The following KCNJ15 variants were observed in gnomAD, a reference collection of about 807,000 sequenced individuals.
KCNJ15 encodes potassium inwardly rectifying channel subfamily J member 15.
KCNJ15 carries 14 observed loss-of-function variants against 23.0 expected under a neutral mutation model. The observed-to-expected ratio is 0.61, with a 90% CI of 0.40 to 0.95. The LOEUF is 0.95. KCNJ15 is among the 40% of genes least tolerant of loss of function. The probability of loss-of-function intolerance (pLI) is 0.00; values close to 1 mark genes in which losing one functional copy is unlikely to be tolerated. For missense variants in KCNJ15, 388 were observed against 461.8 expected, an observed-to-expected ratio of 0.84 and a Z score of 1.46; for synonymous variants, 185 against 183.2, an observed-to-expected ratio of 1.01 and a Z score of -0.08.
rs1176862498 is a variant in KCNJ15 at position 38,305,093 on chromosome 21, A to AAG, written c.*4705_*4706insGA. The AAG allele has an allele frequency of 2.0e-4, 29 of 148,656 alleles. 1 individual carries two copies. In the Middle Eastern group the frequency reaches 0.014, roughly 70 times the overall value. 9.2% of individuals were successfully genotyped at this position (148,656 alleles called of 1,614,324 possible). A position where few individuals can be genotyped will look rare whatever the true frequency, so the allele number is the denominator to read the frequency against. On this transcript the variant is annotated 3_prime_UTR_variant, in exon 3 of 3. Coordinates refer to ENST00000398938, the MANE Select transcript of KCNJ15 (RefSeq NM_170736.3). ...AAAACTCCGTCTCAAAAAAAAAAAAAAAAAGAAAAAGAAAAAGAAAAGAAA... is the reference window on the plus strand; with the variant it reads ...AAAACTCCGTCTCAAAAAAAAAAAAAAGAAAAGAAAAAGAAAAAGAAAAGAAA...
At chr21:38,296,084 CAGAT>C (rs1156794031) in intron 1 of KCNJ15, among the ~76,000 whole-genome samples, 7 of 152,034 alleles carry the variant, frequency 4.6e-5, no homozygotes, top group Middle Eastern at 3.4e-3. Context: ...TGGATGTAGA[CAGAT>C]GGATGATTGA....
rs143644768 is a variant in KCNJ15, at chr21:38,289,174, C to T, written c.-116-7752C>T. On this transcript the variant is annotated intron_variant, in intron 1 of 2. Coordinates refer to ENST00000398938, the MANE Select transcript of KCNJ15 (RefSeq NM_170736.3). ...ATCGCACCATTGCACTCTCCAGCCT[C>T]GGCAACAGAGCAAGACTGTCTCAAA... Among the ~76,000 whole-genome samples the T allele has an allele frequency of 4.5e-5, 6 of 134,410 alleles. No homozygotes were observed. In the South Asian group the frequency reaches 7.0e-4, roughly 16 times the overall value. The allele number at this position is 134,410 out of a possible 152,430, so 88.2% of individuals were successfully genotyped here.
At chr21:38,288,072 A>G (rs1300074450) in intron 1 of KCNJ15, among the ~76,000 whole-genome samples, 2 of 67,626 alleles carry the variant, frequency 3.0e-5, no homozygotes, top group Non-Finnish European at 5.8e-5. Flanking sequence ...ATGGAGTCTC[A>G]CTCTGTTGCC....
intron 1 of KCNJ15, among the ~76,000 whole-genome samples, chr21:38,291,330 G>A (rs1230484139): frequency 1.3e-5 from 2 of 152,134 alleles, no homozygotes; most frequent in Non-Finnish European, 2.9e-5. Context: ...AATGCTAAAA[G>A]CTTCCCTTAA....
intron 1 of KCNJ15, among the ~76,000 whole-genome samples, chr21:38,248,717 G>A (rs1979623019): frequency 6.6e-6 from 1 of 152,176 alleles, no homozygotes; most frequent in Non-Finnish European, 1.5e-5. Context: ...ATTATAAGAT[G>A]GCTTTGCACA....
At chr21:38,296,634 C>T (rs117848205) in intron 1 of KCNJ15, 3,880 of 152,686 alleles carry the variant, frequency 0.025, 70 homozygotes, top group Non-Finnish European at 0.038. Flanking sequence ...CCCCGTGTGC[C>T]GGTCAGTTCA....
At chr21:38,277,474 C>G (rs1261809574) in intron 1 of KCNJ15, among the ~76,000 whole-genome samples, 1 of 152,156 alleles carries the variant, frequency 6.6e-6, no homozygotes, top group Non-Finnish European at 1.5e-5. Context: ...CAGTAGAAAT[C>G]CTAATCCTAC....
At chr21:38,247,747 A>AT (rs1979546545) in intron 1 of KCNJ15, among the ~76,000 whole-genome samples, 1 of 152,176 alleles carries the variant, frequency 6.6e-6, no homozygotes, top group Non-Finnish European at 1.5e-5. Flanking sequence ...CAGTATTGTC[A>AT]TTTTTATTTC....
At chr21:38,279,179 G>A (rs936741286) in intron 1 of KCNJ15, among the ~76,000 whole-genome samples, 1 of 152,166 alleles carries the variant, frequency 6.6e-6, no homozygotes, top group African/African-American at 2.4e-5. Flanking sequence ...GTCTACGGGA[G>A]GAAGGGAGTT....
Position 38,299,205 on chromosome 21 carries a change from C to T in KCNJ15, c.-18-39C>T. 2.8e-6 allele frequency: 4 copies of T among 1,451,256 alleles called. No homozygotes were observed. The highest frequency in any genetic ancestry group is 2.2e-4 in the Middle Eastern group (1 of 4,476). 89.9% of individuals were successfully genotyped at this position (1,451,256 alleles called of 1,614,324 possible). On this transcript the variant is annotated intron_variant, in intron 2 of 2. Coordinates refer to ENST00000398938, the MANE Select transcript of KCNJ15 (RefSeq NM_170736.3). The surrounding 1 kb of genome is among the most constrained non-coding windows in gnomAD (Gnocchi z 4.5). Reference sequence around the variant, plus strand: ...ATTCTATTTTCTGGAAGTTCCACCACATATGGCGATAATGAAACATCTTTG... The same window carrying T: ...ATTCTATTTTCTGGAAGTTCCACCATATATGGCGATAATGAAACATCTTTG...
At chr21:38,251,713 A>ATG (rs1979849370) in intron 1 of KCNJ15, among the ~76,000 whole-genome samples, 1 of 152,214 alleles carries the variant, frequency 6.6e-6, no homozygotes, top group Non-Finnish European at 1.5e-5. Context: ...CACACAGAGG[A>ATG]ATAGCGTGAC....
chr21:38,236,012 AATTGT>A (rs1978578449), intron 1 of KCNJ15, among the ~76,000 whole-genome samples: 1 of 152,184 alleles, frequency 6.6e-6, no homozygotes, highest in Non-Finnish European at 1.5e-5. Context: ...TCTGTTCCAC[AATTGT>A]ATTATTTCCT....
At position 38,241,745 on chromosome 21, in the gene KCNJ15, T is replaced by C. The variant is rs150674098; in HGVS notation, c.-398-15301T>C. ...ACTTTGGGAGGCCAAGGAGGGCGGATTGCTTGAGCTCAGGAGTTTGAGACC... is the reference window on the plus strand; with the variant it reads ...ACTTTGGGAGGCCAAGGAGGGCGGACTGCTTGAGCTCAGGAGTTTGAGACC... On this transcript the variant is annotated intron_variant, in intron 1 of 4. Coordinates refer to the KCNJ15 transcript ENST00000547341. 6.7e-3 allele frequency among the ~76,000 whole-genome samples: 1,016 copies of C among 152,134 alleles called. 2 individuals are homozygous for C. Among genetic ancestry groups the C allele is most frequent in the Non-Finnish European group, 9.2e-3 (625 of 67,988 alleles).
intron 1 of KCNJ15, among the ~76,000 whole-genome samples, chr21:38,266,066 G>T (rs1444883056): frequency 6.6e-6 from 1 of 152,198 alleles, no homozygotes; most frequent in Non-Finnish European, 1.5e-5. Flanking sequence ...CCACAGTCAG[G>T]ACAAAGCTGG....
intron 1 of KCNJ15, among the ~76,000 whole-genome samples, chr21:38,279,776 T>C (rs1190888156): frequency 6.6e-6 from 1 of 152,194 alleles, no homozygotes; most frequent in African/African-American, 2.4e-5. Context: ...GACAAACTCA[T>C]TGTCTCTCCT....
rs1454397343 is a variant in KCNJ15, at chr21:38,238,695, G to A, written c.-398-18351G>A. 8.7e-6 allele frequency: 4 copies of A among 457,300 alleles called. No individual in the cohort carries two copies. The Admixed American group carries it at 1.2e-4, about 14-fold the overall frequency. 28.3% of individuals were successfully genotyped at this position (457,300 alleles called of 1,614,324 possible). A position where few individuals can be genotyped will look rare whatever the true frequency, so the allele number is the denominator to read the frequency against. The stretch of plus-strand genomic sequence containing the variant: ...ACTGTAATGTTTTAAACTCTAGGAG[G>A]AATGTCCTCTGAAAGATTGTTCAGA... On this transcript the variant is annotated intron_variant, in intron 1 of 4. Coordinates refer to the KCNJ15 transcript ENST00000547341.
intron 1 of KCNJ15, among the ~76,000 whole-genome samples, chr21:38,258,803 C>G (rs1452258871): frequency 6.6e-6 from 1 of 152,174 alleles, no homozygotes; most frequent in Non-Finnish European, 1.5e-5. Context: ...CTTATTTCCC[C>G]AATTTCCTCT....
chr21:38,251,524 C>G (rs992186982), intron 1 of KCNJ15, among the ~76,000 whole-genome samples: 6 of 152,188 alleles, frequency 3.9e-5, no homozygotes, highest in African/African-American at 1.2e-4. Context: ...GAGAGGCGGG[C>G]ACTTCATGCA....
intron 1 of KCNJ15, among the ~76,000 whole-genome samples, chr21:38,273,975 G>A (rs982146992): frequency 3.9e-5 from 6 of 152,192 alleles, no homozygotes; most frequent in African/African-American, 1.2e-4. Flanking sequence ...TGGATTCCAC[G>A]AGTTGATGAG....
Sources: gnomAD v4.1 joint callset for allele counts (sites outside exome capture counted in the v4.1 genomes callset) on GRCh38, gnomAD v4.1.1 for gene constraint, Gnocchi (gnomAD v3.1) non-coding constraint, MANE v1.5 for transcripts, NCBI Gene and HGNC (gene_info 2026-07-23, HGNC 2026-07-21) for gene names.